Variants in FTO observed in about 807,000 individuals in gnomAD.
The protein encoded by FTO is FTO alpha-ketoglutarate dependent dioxygenase.
In FTO, 47 loss-of-function variants were observed where a neutral mutation model predicts 63.9. That is an observed-to-expected ratio of 0.74 (90% CI 0.58 to 0.94). FTO has a LOEUF of 0.94. FTO is among the 40% of genes least tolerant of loss of function. FTO has a pLI of 0.00. For missense variants in FTO, 562 were observed against 618.1 expected, an observed-to-expected ratio of 0.91 and a Z score of 0.96; for synonymous variants, 207 against 224.4, an observed-to-expected ratio of 0.92 and a Z score of 0.69.
chr16:53,797,903 AAG>A (rs1307496502), intron 1 of FTO, among the ~76,000 whole-genome samples: 1 of 152,076 alleles, frequency 6.6e-6, no homozygotes, highest in African/African-American at 2.4e-5. Flanking sequence ...TAAATACTAA[AAG>A]AGTTTCGTAT....
chr16:54,086,954 A>G (rs1300995968), intron 8 of FTO, among the ~76,000 whole-genome samples: 5 of 152,218 alleles, frequency 3.3e-5, no homozygotes, highest in Non-Finnish European at 7.3e-5. Flanking sequence ...AAACTCAGCC[A>G]GAGAATGAGA....
At position 53,916,053 on chromosome 16, in the gene FTO, T is replaced by C. The variant is rs145959997; in HGVS notation, c.1240-17932T>C. Among the ~76,000 whole-genome samples the C allele has an allele frequency of 9.8e-5, 15 of 152,370 alleles. No individual in the cohort carries two copies. The East Asian group carries it at 2.7e-3, about 27-fold the overall frequency. On this transcript the variant is annotated intron_variant, in intron 7 of 8. Coordinates refer to ENST00000471389, the MANE Select transcript of FTO (RefSeq NM_001080432.3). ...CAAAGCAACTTTGTGGCAACCACAC[T>C]GGCTTTCTAAAGCTAAGGCTAAACT...
chr16:53,938,461 G>A (rs192493579), intron 8 of FTO, among the ~76,000 whole-genome samples: 154 of 152,312 alleles, frequency 1.0e-3, no homozygotes, highest in Non-Finnish European at 2.0e-3. Context: ...AGTGATGATG[G>A]AGGCCATGTA....
At chr16:53,781,466 C>T (rs2077587372) in intron 1 of FTO, among the ~76,000 whole-genome samples, 1 of 152,190 alleles carries the variant, frequency 6.6e-6, no homozygotes, top group Non-Finnish European at 1.5e-5. Context: ...TGAGATATAG[C>T]ACACCCACCA....
intron 1 of FTO, among the ~76,000 whole-genome samples, chr16:53,738,340 C>G (rs541462329): frequency 1.3e-4 from 20 of 152,146 alleles, no homozygotes; most frequent in Non-Finnish European, 2.2e-4. Flanking sequence ...TGAGGTCTGG[C>G]TATGTTGCCT....
At chr16:53,910,894 AGAT>A (rs1407148963) in intron 7 of FTO, among the ~76,000 whole-genome samples, 2 of 152,190 alleles carry the variant, frequency 1.3e-5, no homozygotes, top group African/African-American at 4.8e-5. Flanking sequence ...CAGAGCTGAG[AGAT>A]GATGAAGTCA....
intron 3 of FTO, among the ~76,000 whole-genome samples, chr16:53,832,626 G>A (rs758780222): frequency 3.9e-5 from 6 of 152,054 alleles, no homozygotes; most frequent in Non-Finnish European, 7.4e-5. Flanking sequence ...TTATATATGT[G>A]CACGGTTTTT....
At position 53,955,074 on chromosome 16, in the gene FTO, G is replaced by A. The variant is rs1456713622; in HGVS notation, c.1364+20965G>A. Among the ~76,000 whole-genome samples the A allele has an allele frequency of 2.0e-5, 3 of 152,146 alleles. 1 individual carries two copies. The highest frequency in any genetic ancestry group is 7.2e-5 in the African/African-American group (3 of 41,432). On this transcript the variant is annotated intron_variant, in intron 8 of 8. Transcript: ENST00000471389. ...CTGTCAGTGCTTGACCACTTCTGGA[G>A]TGTTTTATCCCATAAAGCATTCTTT...
At chr16:53,922,002 C>T (rs1373672249) in intron 7 of FTO, among the ~76,000 whole-genome samples, 1 of 152,016 alleles carries the variant, frequency 6.6e-6, no homozygotes, top group African/African-American at 2.4e-5. Context: ...GGCATTTCAC[C>T]CTCCCAAAAT....
intron 8 of FTO, among the ~76,000 whole-genome samples, chr16:54,064,838 T>C (rs2085680854): frequency 6.6e-6 from 1 of 152,188 alleles, no homozygotes; most frequent in South Asian, 2.1e-4. Flanking sequence ...GCACGCCAGA[T>C]AACCGGAGCT....
At chr16:53,918,574 T>C (rs757575929) in intron 7 of FTO, among the ~76,000 whole-genome samples, 15 of 152,190 alleles carry the variant, frequency 9.9e-5, no homozygotes, top group Non-Finnish European at 2.1e-4. Context: ...GAACAGGACA[T>C]TCTAGTAGAG....
chr16:54,060,770 G>T (rs2540782), intron 8 of FTO, among the ~76,000 whole-genome samples: 11,364 of 152,218 alleles, frequency 0.075, 644 homozygotes, highest in African/African-American at 0.15. Flanking sequence ...TGTACTTTAT[G>T]GAGGTATTTT....
At chr16:54,077,186 T>C (rs537586158) in intron 8 of FTO, among the ~76,000 whole-genome samples, 1 of 152,310 alleles carries the variant, frequency 6.6e-6, no homozygotes, top group African/African-American at 2.4e-5. Context: ...TAAGCATTCT[T>C]TATTAGATTG....
rs541244460 is a variant in FTO, at chr16:53,764,827, C to G, written c.46-45313C>G. Among the ~76,000 whole-genome samples, 3 of 152,180 alleles carry G rather than the reference C, an allele frequency of 2.0e-5. No individual in the cohort carries two copies. In the East Asian group the frequency reaches 5.8e-4, roughly 29 times the overall value. On this transcript the variant is annotated intron_variant, in intron 1 of 8. Transcript: ENST00000471389. ...CTCTGCCTCCAGGGTTCAAGCAATT[C>G]TTGTGCCTCAGCCTCCCGAATAGCT...
At chr16:54,032,146 T>C (rs796420509) in intron 8 of FTO, among the ~76,000 whole-genome samples, 11 of 152,344 alleles carry the variant, frequency 7.2e-5, no homozygotes, top group African/African-American at 2.6e-4. Context: ...TTTGAGTTGT[T>C]CTTGCTTGAG....
At chr16:53,969,596 TTC>T (rs2083272895) in intron 8 of FTO, among the ~76,000 whole-genome samples, 3 of 152,306 alleles carry the variant, frequency 2.0e-5, no homozygotes, top group African/African-American at 7.2e-5. Context: ...TTCCCAGACA[TTC>T]TCACCACACT....
intron 8 of FTO, among the ~76,000 whole-genome samples, chr16:54,068,483 AAC>A (rs1367820535): frequency 6.6e-6 from 1 of 152,296 alleles, no homozygotes; most frequent in East Asian, 1.9e-4. Context: ...CTGGCAAGGT[AAC>A]AGTTACCTGG....
intron 8 of FTO, among the ~76,000 whole-genome samples, chr16:54,086,147 G>A (rs57537537): frequency 0.075 from 11,387 of 152,076 alleles, 1,357 homozygotes; most frequent in African/African-American, 0.25. Context: ...GAAGCCCCAC[G>A]AAACCCCTTA....
intron 2 of FTO, among the ~76,000 whole-genome samples, chr16:53,820,949 G>C (rs1026014061): frequency 6.6e-6 from 1 of 151,916 alleles, no homozygotes; most frequent in Admixed American, 6.6e-5. Flanking sequence ...TGATCTGAGT[G>C]GGAAAAAAAT....
Sources: allele counts gnomAD v4.1 joint callset (sites outside exome capture counted in the v4.1 genomes callset), GRCh38; gene constraint gnomAD v4.1.1; transcripts MANE v1.5; gene names NCBI Gene and HGNC (gene_info 2026-07-23, HGNC 2026-07-21).